The following LRBA variants were observed in gnomAD, a reference collection of about 807,000 sequenced individuals.
The protein encoded by LRBA is lipopolysaccharide-responsive and beige-like anchor protein.
In LRBA, 176 loss-of-function variants were observed where a neutral mutation model predicts 330.0. The observed-to-expected ratio is 0.53, with a 90% confidence interval of 0.47 to 0.60. The LOEUF (loss-of-function observed/expected upper bound fraction) is 0.60, where lower values mean the gene tolerates loss of function less well. Ranked by LOEUF, LRBA falls within the 20% of genes least tolerant of loss-of-function variation. The pLI is 0.00. For missense variants in LRBA, 3,259 were observed against 3,444.8 expected, an observed-to-expected ratio of 0.95 and a Z score of 1.35; for synonymous variants, 1,230 against 1,193.0, an observed-to-expected ratio of 1.03 and a Z score of -0.64.
intron 2 of LRBA, among the ~76,000 whole-genome samples, chr4:150,945,903 G>A (rs1468318879): frequency 2.0e-5 from 3 of 151,786 alleles, no homozygotes; most frequent in East Asian, 1.9e-4. Flanking sequence ...AGGTTCAAGC[G>A]ATTCTCCTGC....
intron 56 of LRBA, among the ~76,000 whole-genome samples, chr4:150,266,389 A>G (rs1332678110): frequency 6.6e-6 from 1 of 152,252 alleles, no homozygotes; most frequent in Non-Finnish European, 1.5e-5. Flanking sequence ...CTCGTAACAC[A>G]GTAACTCACC....
chr4:150,870,669 CT>C, intron 19 of LRBA, 63 bp from the exon 20 acceptor site: 1 of 776,496 alleles, frequency 1.3e-6, no homozygotes. Flanking sequence ...TATTAATGAA[CT>C]TTAAGTGCAT....
intron 34 of LRBA, among the ~76,000 whole-genome samples, chr4:150,778,016 A>T (rs1055659026): frequency 6.7e-6 from 1 of 150,162 alleles, no homozygotes; most frequent in Non-Finnish European, 1.5e-5. Context: ...AAAACTGTTC[A>T]TGCTCAAGAT....
intron 47 of LRBA, among the ~76,000 whole-genome samples, chr4:150,369,190 A>G (rs774992984): frequency 6.6e-6 from 1 of 152,200 alleles, no homozygotes; most frequent in Non-Finnish European, 1.5e-5. Context: ...AAAATATTAC[A>G]TATTAAGGTG....
intron 46 of LRBA, among the ~76,000 whole-genome samples, chr4:150,428,033 C>G (rs899648071): frequency 1.3e-5 from 2 of 152,020 alleles, no homozygotes; most frequent in Non-Finnish European, 2.9e-5. Flanking sequence ...AGCCACAAAA[C>G]TATTCTATGA....
At chr4:150,337,408 T>A (rs1017843269) in intron 48 of LRBA, among the ~76,000 whole-genome samples, 6 of 152,204 alleles carry the variant, frequency 3.9e-5, no homozygotes, top group Non-Finnish European at 8.8e-5. Context: ...GCAAAAGACA[T>A]AATAATGAGC....
Position 150,285,992 on chromosome 4 carries a change from T to C in LRBA, c.8060A>G (p.Tyr2687Cys), listed in dbSNP as rs1748090246. 1 of 1,595,920 alleles carries C rather than the reference T, an allele frequency of 6.3e-7. No individual in the cohort carries two copies. Among genetic ancestry groups the C allele is most frequent in the Non-Finnish European group, 8.5e-7 (1 of 1,171,174 alleles). The change falls in exon 54 of 57, where the codon TAT becomes TGT. Residue 2687 changes from tyrosine to cysteine, a missense_variant. By Grantham distance (194) the Tyr-to-Cys change is radical. Coordinates refer to ENST00000651943, the MANE Select transcript of LRBA (RefSeq NM_001364905.1). ...APRAILTGHD[Y>C]EVTCAAVCAE... The stretch of plus-strand genomic sequence containing the variant: ...ACACACCGCAGCACATGTGACCTCA[T>C]AGTCATGGCCGGTCAAAATGGCCCG...
chr4:150,995,134 A>T (rs536567746), intron 2 of LRBA, among the ~76,000 whole-genome samples: 1 of 151,922 alleles, frequency 6.6e-6, no homozygotes, highest in East Asian at 1.9e-4. Flanking sequence ...CCCTTCGCTC[A>T]CTCCAGTTTA....
chr4:150,342,947 A>C (rs1432746124), intron 48 of LRBA, among the ~76,000 whole-genome samples: 1 of 151,206 alleles, frequency 6.6e-6, no homozygotes, highest in Non-Finnish European at 1.5e-5. Flanking sequence ...TGCAGAAATA[A>C]TGCTTTAATA....
chr4:150,617,760 G>A (rs1326528236), intron 37 of LRBA, among the ~76,000 whole-genome samples: 2 of 152,098 alleles, frequency 1.3e-5, no homozygotes, highest in East Asian at 3.9e-4. Flanking sequence ...TCTTTTACCA[G>A]TTCATTGCTA....
intron 2 of LRBA, among the ~76,000 whole-genome samples, chr4:150,997,500 A>G (rs1349602746): frequency 6.6e-6 from 1 of 152,206 alleles, no homozygotes; most frequent in Non-Finnish European, 1.5e-5. Context: ...TGGGATTTCT[A>G]TGCAGGTTAC....
intron 37 of LRBA, among the ~76,000 whole-genome samples, chr4:150,617,667 T>C (rs545312110): frequency 2.0e-5 from 3 of 152,220 alleles, no homozygotes; most frequent in African/African-American, 7.2e-5. Context: ...GCTCTATCAA[T>C]TCAAACAACT....
chr4:150,704,127 T>C (rs1785382180), intron 36 of LRBA, among the ~76,000 whole-genome samples: 1 of 152,010 alleles, frequency 6.6e-6, no homozygotes, highest in Admixed American at 6.6e-5. Flanking sequence ...GGTGAGAGGG[T>C]CACTTGGGCC....
chr4:150,663,042 C>G (rs1781264445), intron 37 of LRBA, among the ~76,000 whole-genome samples: 2 of 152,094 alleles, frequency 1.3e-5, no homozygotes. Context: ...AAAGCCCTCA[C>G]AAACTTTACA....
At chr4:150,526,252 T>C (rs771780779) in intron 40 of LRBA, among the ~76,000 whole-genome samples, 2 of 152,162 alleles carry the variant, frequency 1.3e-5, no homozygotes, top group Non-Finnish European at 2.9e-5. Context: ...AAATGAGAAA[T>C]TATAATGGCT....
intron 2 of LRBA, among the ~76,000 whole-genome samples, chr4:150,954,171 C>T (rs1737253402): frequency 6.7e-6 from 1 of 149,330 alleles, no homozygotes; most frequent in African/African-American, 2.5e-5. Context: ...GCCCGGCCAG[C>T]CGCCCCGTCC....
chr4:150,692,395 T>C (rs906602545), intron 36 of LRBA, among the ~76,000 whole-genome samples: 1 of 151,984 alleles, frequency 6.6e-6, no homozygotes, highest in Non-Finnish European at 1.5e-5. Flanking sequence ...ATTTTTTCGA[T>C]TTATTGTAGA....
chr4:150,739,123 C>T (rs1731604186), intron 35 of LRBA, among the ~76,000 whole-genome samples: 1 of 151,632 alleles, frequency 6.6e-6, no homozygotes, highest in Non-Finnish European at 1.5e-5. Flanking sequence ...GAGAAGCAAA[C>T]AGAAATAAAA....
At chr4:150,695,522 T>A (rs1232341820) in intron 36 of LRBA, among the ~76,000 whole-genome samples, 2 of 152,098 alleles carry the variant, frequency 1.3e-5, no homozygotes, top group Admixed American at 6.6e-5. Context: ...CTCTCAGTGT[T>A]GGCCAGGCTG....
Sources: gnomAD v4.1 joint callset for allele counts (sites outside exome capture counted in the v4.1 genomes callset) on GRCh38, gnomAD v4.1.1 for gene constraint, MANE v1.5 for transcripts, NCBI Gene and HGNC (gene_info 2026-07-23, HGNC 2026-07-21) for gene names.